TBXAS1: variants seen among roughly 807,000 people sequenced by gnomAD.
The protein encoded by TBXAS1 is thromboxane A synthase 1, also known as thromboxane-A synthase.
A neutral mutation model predicts 60.7 loss-of-function variants in TBXAS1; 48 were observed. That is an observed-to-expected ratio of 0.79 (90% CI 0.63 to 1.01). TBXAS1 has a LOEUF of 1.01. TBXAS1 is among the 50% of genes least tolerant of loss of function. The probability of loss-of-function intolerance (pLI) is 0.00; values close to 1 mark genes in which losing one functional copy is unlikely to be tolerated. For missense variants in TBXAS1, 685 were observed against 686.3 expected (o/e 1.00, Z 0.02); for synonymous variants, 287 against 269.7 (o/e 1.06, Z -0.63).
intron 9 of TBXAS1, among the ~76,000 whole-genome samples, chr7:139,987,964 T>C (rs1158858666): frequency 1.3e-5 from 2 of 152,134 alleles, no homozygotes; most frequent in Non-Finnish European, 2.9e-5. Context: ...CTAGTGTTAT[T>C]AGTATAAGTT....
chr7:139,875,010 G>T (rs562617421), intron 2 of TBXAS1, among the ~76,000 whole-genome samples: 1 of 152,148 alleles, frequency 6.6e-6, no homozygotes, highest in East Asian at 1.9e-4. Flanking sequence ...CAGGAGAATC[G>T]CTTGAATCCG....
chr7:139,945,820 G>T (rs1274683730), intron 5 of TBXAS1, among the ~76,000 whole-genome samples: 2 of 152,182 alleles, frequency 1.3e-5, no homozygotes, highest in African/African-American at 4.8e-5. Context: ...AGGCCAGAGG[G>T]ATCAAGGTGT....
intron 8 of TBXAS1, among the ~76,000 whole-genome samples, chr7:139,958,715 G>A (rs1210884044): frequency 2.0e-5 from 3 of 152,202 alleles, no homozygotes; most frequent in East Asian, 1.9e-4. Context: ...CTTCACGCCC[G>A]GAGAACTGTG....
intron 3 of TBXAS1, among the ~76,000 whole-genome samples, chr7:139,889,428 C>A (rs958799744): frequency 2.2e-4 from 34 of 152,022 alleles, no homozygotes; most frequent in Non-Finnish European, 2.2e-4. Flanking sequence ...ATGCTGGAGA[C>A]AACATGGTGA....
At chr7:139,859,299 C>T (rs1274313544) in intron 1 of TBXAS1, among the ~76,000 whole-genome samples, 8 of 151,548 alleles carry the variant, frequency 5.3e-5, no homozygotes, top group African/African-American at 9.7e-5. Flanking sequence ...CTCCGCCTCC[C>T]GGGTTCACAC....
chr7:139,906,037 T>C (rs2117024131), intron 3 of TBXAS1: 1 of 357,542 alleles, frequency 2.8e-6, no homozygotes, highest in South Asian at 2.1e-5. Context: ...ATGAGGTTCA[T>C]ATTTTGCCTA....
In TBXAS1 at chr7:139,778,919, A is replaced by G. The variant is rs1040640304; in HGVS notation, c.-318+448A>G. 3.3e-5 allele frequency among the ~76,000 whole-genome samples: 5 copies of G among 152,194 alleles called. No homozygotes were observed. Among genetic ancestry groups the G allele is most frequent in the African/African-American group, 1.2e-4 (5 of 41,438 alleles). ...GAGTCTCCTCTTAGGCACTGTTTTTAAAACTGTGGGTCGTGACACAGTAAT... is the reference window on the plus strand; with the variant it reads ...GAGTCTCCTCTTAGGCACTGTTTTTGAAACTGTGGGTCGTGACACAGTAAT... On this transcript the variant is annotated intron_variant, in intron 1 of 16. Coordinates refer to the TBXAS1 transcript ENST00000336425. The surrounding 1 kb of genome is among the most constrained non-coding windows in gnomAD (Gnocchi z 4.8).
intron 3 of TBXAS1, among the ~76,000 whole-genome samples, chr7:139,906,613 C>G (rs1473122288): frequency 6.6e-6 from 1 of 152,118 alleles, no homozygotes; most frequent in African/African-American, 2.4e-5. Context: ...AGTTCTTTGC[C>G]TTTCCATATA....
At chr7:139,824,835 T>TTTC (rs1221246119), upstream of TBXAS1, among the ~76,000 whole-genome samples, 28 of 146,668 alleles carry the variant, frequency 1.9e-4, 1 homozygote, top group South Asian at 3.5e-3. Context: ...TTTTCTTTTT[T>TTTC]TTTTTTTTTT....
chr7:140,014,908 C>CAAAAAAAAAAAAA (rs771922926), intron 10 of TBXAS1, among the ~76,000 whole-genome samples: 15 of 131,264 alleles, frequency 1.1e-4, no homozygotes, highest in African/African-American at 3.1e-4. Flanking sequence ...GACCCTGTCT[C>CAAAAAAAAAAAAA]AAAAAAAAAG....
At position 139,875,634 on chromosome 7, in the gene TBXAS1, G is replaced by T. The variant is rs1302001301; in HGVS notation, c.233G>T (p.Cys78Phe). The change falls in exon 3 of 13, where the codon TGT (cysteine) becomes TTT (phenylalanine). Residue 78 changes from cysteine (C) to phenylalanine (F), a missense_variant. Transcript: ENST00000448866. Reference protein sequence around the residue: ...MELRKLYGPLCGYYLGRRMFI... With the variant: ...MELRKLYGPLFGYYLGRRMFI... ...CTCAGAAAGCTGTATGGACCTCTGT[G>T]TGGGTAAGAAGGAAACTCAACGTTT... The T allele has an allele frequency of 7.4e-6, 12 of 1,611,338 alleles. No individual in the cohort carries two copies. Among genetic ancestry groups the T allele is most frequent in the Admixed American group, 1.7e-5 (1 of 59,916 alleles).
At position 139,990,481 on chromosome 7, in the gene TBXAS1, G is replaced by T. The variant is rs1016579502; in HGVS notation, c.1135-16610G>T. On this transcript the variant is annotated intron_variant, in intron 9 of 12. Transcript: ENST00000448866. ...ACTTGGCCACGCCCAGAGCCAGCCA[G>T]CCTCGAGCACCTGTTTCCTGTCTGG... 6.6e-5 allele frequency among the ~76,000 whole-genome samples: 10 copies of T among 152,240 alleles called. No homozygotes were observed. In the East Asian group the frequency reaches 1.9e-3, roughly 29 times the overall value.
chr7:139,988,793 A>G (rs1282876630), intron 9 of TBXAS1, among the ~76,000 whole-genome samples: 1 of 152,172 alleles, frequency 6.6e-6, no homozygotes, highest in African/African-American at 2.4e-5. Context: ...CCAGCCAGCC[A>G]CTTGAAAATC....
chr7:139,962,589 C>T (rs893238902), intron 9 of TBXAS1: 10 of 323,962 alleles, frequency 3.1e-5, no homozygotes, highest in South Asian at 7.9e-5. Context: ...AGCTGCCACA[C>T]GGAGGGAGGC....
At chr7:139,925,281 TG>T (rs1299603836) in intron 4 of TBXAS1, among the ~76,000 whole-genome samples, 1 of 152,240 alleles carries the variant, frequency 6.6e-6, no homozygotes, top group African/African-American at 2.4e-5. Context: ...TTCATGAGTA[TG>T]GAATATCTTT....
chr7:139,822,821 CCCA>C (rs1327594063), intron 4 of TBXAS1, among the ~76,000 whole-genome samples: 2 of 152,162 alleles, frequency 1.3e-5, no homozygotes, highest in African/African-American at 2.4e-5. Context: ...GCTGTCATCC[CCCA>C]CCTAGCTGAC....
chr7:139,819,142 C>T (rs1304873000), intron 4 of TBXAS1, among the ~76,000 whole-genome samples: 1 of 152,248 alleles, frequency 6.6e-6, no homozygotes, highest in Non-Finnish European at 1.5e-5. Context: ...TCCTCCTGGG[C>T]TGGCTCCATT....
intron 5 of TBXAS1, among the ~76,000 whole-genome samples, chr7:139,948,720 A>G (rs1808955383): frequency 6.6e-6 from 1 of 152,206 alleles, no homozygotes; most frequent in African/African-American, 2.4e-5. Flanking sequence ...GTGTGTGTGC[A>G]CATGCCACGT....
At chr7:139,891,568 T>C (rs1433627449) in intron 3 of TBXAS1, among the ~76,000 whole-genome samples, 1 of 152,204 alleles carries the variant, frequency 6.6e-6, no homozygotes, top group Non-Finnish European at 1.5e-5. Flanking sequence ...TTCCAAACAG[T>C]CCTGCCTTAG....
Sources: allele counts gnomAD v4.1 joint callset (sites outside exome capture counted in the v4.1 genomes callset), GRCh38; gene constraint gnomAD v4.1.1; non-coding constraint Gnocchi (gnomAD v3.1); transcripts MANE v1.5; gene names NCBI Gene and HGNC (gene_info 2026-07-23, HGNC 2026-07-21).